The following NCOR2 variants were observed in gnomAD, a reference collection of about 807,000 sequenced individuals.
The protein encoded by NCOR2 is CTG repeat protein 26.
Under a neutral mutation model 262.9 loss-of-function variants are expected in NCOR2, and 81 were observed. The ratio of observed to expected loss-of-function variants is 0.31; its 90% CI spans 0.26 to 0.37. The LOEUF is 0.37. Ranked by LOEUF, NCOR2 falls within the 10% of genes least tolerant of loss-of-function variation. The probability of loss-of-function intolerance (pLI) is 1.00; values close to 1 mark genes in which losing one functional copy is unlikely to be tolerated. For synonymous variants in NCOR2, 1,659 were observed against 1,559.3 expected (o/e 1.06, Z -1.51); for missense variants, 3,385 against 3,621.4 (o/e 0.93, Z 1.68).
intron 1 of NCOR2, among the ~76,000 whole-genome samples, chr12:124,515,674 TGA>T (rs2049710312): frequency 2.6e-5 from 4 of 151,806 alleles, no homozygotes; most frequent in Middle Eastern, 3.2e-3. Context: ...CATGTGAGTG[TGA>T]GTGTGCGAGT....
rs1378142847 is a variant in NCOR2, at chr12:124,382,801, G to A, written c.2019+2944C>T. On this transcript the variant is annotated intron_variant, in intron 17 of 46. Transcript: ENST00000405201. ...GAGGATAATACTGAATGCTTATTGA[G>A]GGCTGACCAAGGACCAGGCACCACC... 2.0e-5 allele frequency among the ~76,000 whole-genome samples: 3 copies of A among 152,224 alleles called. No individual in the cohort carries two copies. The East Asian group carries it at 5.8e-4, about 29-fold the overall frequency.
intron 10 of NCOR2, among the ~76,000 whole-genome samples, chr12:124,427,837 T>C (rs768050286): frequency 3.9e-5 from 6 of 152,140 alleles, no homozygotes; most frequent in Non-Finnish European, 8.8e-5. Flanking sequence ...ATGCCGGCCA[T>C]GTGCTCTGAC....
intron 8 of NCOR2, among the ~76,000 whole-genome samples, chr12:124,431,711 C>T (rs1022042435): frequency 1.7e-4 from 26 of 151,328 alleles, no homozygotes; most frequent in African/African-American, 6.3e-4. Flanking sequence ...CAGACACACA[C>T]AGTCACATAC....
intron 5 of NCOR2, among the ~76,000 whole-genome samples, chr12:124,463,027 T>C (rs1236032394): frequency 1.3e-5 from 2 of 152,062 alleles, no homozygotes. Context: ...CTTCTACCTT[T>C]CCCCAGTCGA....
intron 1 of NCOR2, among the ~76,000 whole-genome samples, chr12:124,501,597 A>G (rs2048741126): frequency 6.6e-6 from 1 of 151,720 alleles, no homozygotes; most frequent in Non-Finnish European, 1.5e-5. Flanking sequence ...CTCTGCCTCT[A>G]TCTCCACGCA....
Position 124,340,254 on chromosome 12 carries a change from A to G in NCOR2, c.5488+40T>C, listed in dbSNP as rs768787130. On this transcript the variant is annotated intron_variant, in intron 36 of 46. Transcript: ENST00000405201. ...AGGGGGAGGCCTCTTGCGGCCCACA[A>G]GGAGTCCCGGAGCGGGGGGTGGGGG... 6.2e-6 allele frequency: 10 copies of G among 1,606,454 alleles called. No individual in the cohort carries two copies. In the Admixed American group the frequency reaches 1.3e-4, roughly 21 times the overall value.
At chr12:124,430,625 G>T in exon 9 of NCOR2, 1 of 1,612,298 alleles carries the variant, frequency 6.2e-7, no homozygotes, top group Non-Finnish European at 8.5e-7. Context: ...CTCTGCATGC[G>T]CTCCTGCAGC....
chr12:124,446,044 G>A (rs2045148279), intron 7 of NCOR2, among the ~76,000 whole-genome samples: 1 of 152,228 alleles, frequency 6.6e-6, no homozygotes, highest in African/African-American at 2.4e-5. Context: ...GGCCTGCACG[G>A]GGCCTCCCTT....
At chr12:124,335,385 T>C (rs1365195622) in intron 39 of NCOR2, 98 bp downstream of exon 41, 2 of 1,512,080 alleles carry the variant, frequency 1.3e-6, no homozygotes, top group Non-Finnish European at 1.8e-6. Context: ...GCCAATTCCT[T>C]GGCCTTTAGG....
chr12:124,512,207 C>T (rs185370820), intron 1 of NCOR2, among the ~76,000 whole-genome samples: 51 of 152,310 alleles, frequency 3.3e-4, no homozygotes, highest in Non-Finnish European at 6.0e-4. Context: ...CCACCTCGCC[C>T]GGCCAACGAC....
At position 124,532,217 on chromosome 12, in the gene NCOR2, C is replaced by A. The variant is rs544920146; in HGVS notation, c.-118+3348G>T. On this transcript the variant is annotated intron_variant, in intron 1 of 46. Coordinates refer to the NCOR2 transcript ENST00000404621. ...CTGAGGTCTGTCCCCCCTTGTCTCC[C>A]CCATGCCCCCTTCTACCATCACGGT... Among the ~76,000 whole-genome samples, 4 of 152,234 alleles carry A rather than the reference C, an allele frequency of 2.6e-5. No individual in the cohort carries two copies. In the East Asian group the frequency reaches 7.7e-4, roughly 29 times the overall value.
chr12:124,457,037 C>A lies in NCOR2; in HGVS notation c.762+69G>T. The A allele has an allele frequency of 2.8e-6, 3 of 1,058,340 alleles. No homozygotes were observed. The highest frequency in any genetic ancestry group is 3.2e-5 in the East Asian group (1 of 31,230). The allele number at this position is 1,058,340 out of a possible 1,614,324, so 65.6% of individuals were successfully genotyped here. A position where few individuals can be genotyped will look rare whatever the true frequency, so the allele number is the denominator to read the frequency against. On this transcript the variant is annotated intron_variant, in intron 6 of 46. Transcript: ENST00000405201. The surrounding 1 kb of genome is among the most constrained non-coding windows in gnomAD (Gnocchi z 4.0). ...GACTTCCTCCTCCGCCGCACCCTCC[C>A]GCCTCCCTGCCCACCTCTCCAGCCA...
At chr12:124,524,596 C>T (rs1418146326) in intron 1 of NCOR2, among the ~76,000 whole-genome samples, 2 of 152,170 alleles carry the variant, frequency 1.3e-5, no homozygotes, top group South Asian at 2.1e-4. Context: ...TAGATCCAGC[C>T]GTGCCTGAAC....
At chr12:124,545,206 G>A (rs576665792) in intron 1 of NCOR2, among the ~76,000 whole-genome samples, 2 of 152,220 alleles carry the variant, frequency 1.3e-5, no homozygotes, top group East Asian at 1.9e-4. Flanking sequence ...CCCAGGGGGA[G>A]GGAGCAGAGT....
At chr12:124,372,510 C>T (rs768359639) in exon 20 of NCOR2, 27 of 1,589,260 alleles carry the variant, frequency 1.7e-5, no homozygotes, top group Non-Finnish European at 2.2e-5. Context: ...CGTCGGCGCC[C>T]AGGGTGGCTG....
At chr12:124,493,449 C>T (rs2048202774) in intron 1 of NCOR2, among the ~76,000 whole-genome samples, 1 of 152,210 alleles carries the variant, frequency 6.6e-6, no homozygotes, top group African/African-American at 2.4e-5. Context: ...ATCCCCTTTA[C>T]CCCTCGTGAG....
Position 124,482,226 on chromosome 12 carries a change from C to A in NCOR2, c.411+1370G>T, listed in dbSNP as rs1447131942. 2.0e-5 allele frequency among the ~76,000 whole-genome samples: 3 copies of A among 152,272 alleles called. No individual in the cohort carries two copies. The East Asian group carries it at 5.8e-4, about 29-fold the overall frequency. ...GCAGGGAGGCCAAGCCAGCCAACGA[C>A]CACACAGACACCCCAGCCCCTCCCT... On this transcript the variant is annotated intron_variant, in intron 3 of 46. Transcript: ENST00000405201. The surrounding 1 kb of genome is among the most constrained non-coding windows in gnomAD (Gnocchi z 6.3).
chr12:124,363,749 G>T (rs1566399558), exon 21 of NCOR2: 11 of 1,392,548 alleles, frequency 7.9e-6, no homozygotes, highest in Non-Finnish European at 1.0e-5. Flanking sequence ...TGAGGCATTG[G>T]CCCGGGGGTC....
At chr12:124,376,680 C>T (rs771483472) in intron 18 of NCOR2, among the ~76,000 whole-genome samples, 26 of 152,182 alleles carry the variant, frequency 1.7e-4, no homozygotes, top group Non-Finnish European at 3.1e-4. Flanking sequence ...AGCGGGGATT[C>T]GGGCTGGTGA....
Sources: gnomAD v4.1 joint callset for allele counts (sites outside exome capture counted in the v4.1 genomes callset) on GRCh38, gnomAD v4.1.1 for gene constraint, Gnocchi (gnomAD v3.1) non-coding constraint, MANE v1.5 for transcripts, NCBI Gene and HGNC (gene_info 2026-07-23, HGNC 2026-07-21) for gene names.